Variants in CNTN4 observed in about 807,000 individuals in gnomAD.
The protein encoded by CNTN4 is contactin-4.
In CNTN4, 77 loss-of-function variants were observed where a neutral mutation model predicts 122.5. The ratio of observed to expected loss-of-function variants is 0.63; its 90% CI spans 0.52 to 0.76. The LOEUF is 0.76. CNTN4 is among the 30% of genes least tolerant of loss of function. The pLI, the probability that CNTN4 is intolerant of heterozygous loss-of-function variation, is 0.00. For missense variants in CNTN4, 1,256 were observed against 1,259.1 expected (o/e 1.00, Z 0.04); for synonymous variants, 512 against 447.0 (o/e 1.15, Z -1.83).
At chr3:2,679,957 A>G (rs535701053) in intron 4 of CNTN4, among the ~76,000 whole-genome samples, 1 of 152,336 alleles carries the variant, frequency 6.6e-6, no homozygotes, top group East Asian at 1.9e-4. Context: ...GACACTAAAT[A>G]TATTTTGGAA....
chr3:2,115,366 C>T (rs1035154541), intron 2 of CNTN4, among the ~76,000 whole-genome samples: 1 of 152,206 alleles, frequency 6.6e-6, no homozygotes, highest in Admixed American at 6.5e-5. Context: ...ATGCGCTCTC[C>T]ATATCCTTTT....
chr3:2,102,987 A>T (rs1177936222), intron 2 of CNTN4, among the ~76,000 whole-genome samples: 5 of 151,964 alleles, frequency 3.3e-5, no homozygotes, highest in Admixed American at 2.6e-4. Context: ...CAGTTAATAC[A>T]TACATAATGC....
At chr3:2,509,052 A>T (rs1420148083) in intron 3 of CNTN4, among the ~76,000 whole-genome samples, 1 of 152,232 alleles carries the variant, frequency 6.6e-6, no homozygotes, top group African/African-American at 2.4e-5. Flanking sequence ...ATAATCAAAG[A>T]TTAATCAAAG....
intron 2 of CNTN4, among the ~76,000 whole-genome samples, chr3:2,220,572 T>C (rs1277690517): frequency 1.3e-5 from 2 of 152,176 alleles, no homozygotes; most frequent in Admixed American, 6.5e-5. Flanking sequence ...CAGTTCTATG[T>C]TACCTCCTTT....
At chr3:2,272,525 A>G (rs924697204) in intron 2 of CNTN4, among the ~76,000 whole-genome samples, 1 of 152,188 alleles carries the variant, frequency 6.6e-6, no homozygotes, top group Non-Finnish European at 1.5e-5. Context: ...CATTAAAGTT[A>G]TACTATGATA....
At chr3:2,672,878 C>T (rs1003799819) in intron 4 of CNTN4, among the ~76,000 whole-genome samples, 4 of 151,938 alleles carry the variant, frequency 2.6e-5, no homozygotes, top group African/African-American at 9.7e-5. Context: ...GGTTTAAGGC[C>T]CTGGGGATTA....
At chr3:2,138,176 C>G (rs576283311) in intron 2 of CNTN4, among the ~76,000 whole-genome samples, 1 of 151,738 alleles carries the variant, frequency 6.6e-6, no homozygotes, top group East Asian at 1.9e-4. Context: ...AAGTGATTCT[C>G]CTGCCTCAGC....
intron 3 of CNTN4, among the ~76,000 whole-genome samples, chr3:2,504,039 G>C (rs1360970565): frequency 1.3e-5 from 2 of 151,694 alleles, no homozygotes; most frequent in Non-Finnish European, 2.9e-5. Context: ...ATTTCCAGGT[G>C]AAAAATGCTA....
chr3:3,003,830 G>T (rs569666969), intron 14 of CNTN4, among the ~76,000 whole-genome samples: 1 of 151,680 alleles, frequency 6.6e-6, no homozygotes, highest in Admixed American at 6.6e-5. Flanking sequence ...GCTCACTGCA[G>T]CCTTGACCTC....
At chr3:2,309,278 T>C (rs1349246762) in intron 2 of CNTN4, among the ~76,000 whole-genome samples, 1 of 152,150 alleles carries the variant, frequency 6.6e-6, no homozygotes, top group Non-Finnish European at 1.5e-5. Flanking sequence ...CTGTTCCAGC[T>C]CTTTTTTTGG....
At chr3:2,317,175 A>ATG (rs1162674327) in intron 2 of CNTN4, among the ~76,000 whole-genome samples, 2 of 152,230 alleles carry the variant, frequency 1.3e-5, no homozygotes, top group Admixed American at 1.3e-4. Context: ...GTCTGTATAA[A>ATG]TGCAAGGATT....
chr3:3,017,476 G>T (rs1422363340), intron 14 of CNTN4, among the ~76,000 whole-genome samples: 1 of 152,072 alleles, frequency 6.6e-6, no homozygotes, highest in Non-Finnish European at 1.5e-5. Context: ...AGGATATTTC[G>T]GCAGTTAAAG....
intron 2 of CNTN4, among the ~76,000 whole-genome samples, chr3:2,324,340 G>T (rs1019073210): frequency 6.6e-6 from 1 of 152,020 alleles, no homozygotes; most frequent in African/African-American, 2.4e-5. Flanking sequence ...AGATACACAC[G>T]CACACTCACA....
intron 2 of CNTN4, among the ~76,000 whole-genome samples, chr3:2,193,936 A>C: frequency 6.6e-6 from 1 of 152,274 alleles, no homozygotes. Flanking sequence ...GTTTGTGTAA[A>C]TACACTCTAT....
chr3:3,043,165 T>A lies in CNTN4; in HGVS notation c.2698+2T>A. The stretch of plus-strand genomic sequence containing the variant: ...TCAATGTGACAACCCGAAAGCCACG[T>A]AAGAACAGACTTGCTCAGAAATATT... On this transcript the variant is annotated splice_donor_variant, in intron 22 of 24. Transcript: ENST00000418658. LOFTEE classifies it high-confidence loss of function. 6.2e-7 allele frequency: 1 copy of A among 1,614,076 alleles called. No homozygotes were observed. Among genetic ancestry groups the A allele is most frequent in the Non-Finnish European group, 8.5e-7 (1 of 1,179,982 alleles).
rs565852592 is a variant in CNTN4 at position 2,440,850 on chromosome 3, A to G, written c.-89+101617A>G. ...AACTATATATATTTTATATATACAT[A>G]TATACATATATCTAACATATATGTA... On this transcript the variant is annotated intron_variant, in intron 3 of 24. Coordinates refer to ENST00000418658, the MANE Select transcript of CNTN4 (RefSeq NM_175607.3). Among the ~76,000 whole-genome samples, 17 of 144,518 alleles carry G rather than the reference A, an allele frequency of 1.2e-4. No homozygotes were observed. In the South Asian group the frequency reaches 3.4e-3, roughly 29 times the overall value. 94.8% of individuals were successfully genotyped at this position (144,518 alleles called of 152,430 possible). A position where few individuals can be genotyped will look rare whatever the true frequency, so the allele number is the denominator to read the frequency against.
chr3:2,916,464 A>G (rs1162122824), intron 12 of CNTN4, among the ~76,000 whole-genome samples: 1 of 149,504 alleles, frequency 6.7e-6, no homozygotes, highest in East Asian at 2.0e-4. Context: ...ACCGCCCTTA[A>G]TCCATTTAAC....
chr3:2,309,020 C>T (rs1050838807), intron 2 of CNTN4, among the ~76,000 whole-genome samples: 1 of 151,990 alleles, frequency 6.6e-6, no homozygotes, highest in Non-Finnish European at 1.5e-5. Flanking sequence ...TTTTGATCTT[C>T]TGTCTGATTT....
At chr3:2,705,764 T>C (rs1449624814) in intron 4 of CNTN4, among the ~76,000 whole-genome samples, 3 of 102,346 alleles carry the variant, frequency 2.9e-5, no homozygotes, top group Admixed American at 3.0e-4. Context: ...ATATATAATA[T>C]ATATTTATTA....
Sources: allele counts gnomAD v4.1 joint callset (sites outside exome capture counted in the v4.1 genomes callset), GRCh38; gene constraint gnomAD v4.1.1; transcripts MANE v1.5; gene names NCBI Gene and HGNC (gene_info 2026-07-23, HGNC 2026-07-21).